Variants in RBMS1 observed in about 807,000 individuals in gnomAD.
RBMS1 encodes the protein RNA-binding motif, single-stranded-interacting protein 1.
Under a neutral mutation model 62.3 loss-of-function variants are expected in RBMS1, and 17 were observed. The ratio of observed to expected loss-of-function variants is 0.27; its 90% CI spans 0.19 to 0.41. The LOEUF is 0.41. Ranked by LOEUF, RBMS1 falls within the 10% of genes least tolerant of loss-of-function variation. The pLI is 1.00. For missense variants in RBMS1, 334 were observed against 504.5 expected, an observed-to-expected ratio of 0.66 and a Z score of 3.24; for synonymous variants, 172 against 170.0, an observed-to-expected ratio of 1.01 and a Z score of -0.09.
intron 7 of RBMS1, among the ~76,000 whole-genome samples, chr2:160,286,548 G>T (rs984634403): frequency 6.6e-6 from 1 of 151,980 alleles, no homozygotes; most frequent in Admixed American, 6.6e-5. Flanking sequence ...TCTAACTCCT[G>T]ATCTCAGGTG....
At chr2:160,468,037 A>T (rs1354804744) in intron 1 of RBMS1, among the ~76,000 whole-genome samples, 1 of 152,206 alleles carries the variant, frequency 6.6e-6, no homozygotes, top group Non-Finnish European at 1.5e-5. Context: ...TCACAAGCAA[A>T]CACAAATCTC....
At chr2:160,476,014 A>C (rs2105350231) in intron 1 of RBMS1, among the ~76,000 whole-genome samples, 1 of 151,770 alleles carries the variant, frequency 6.6e-6, no homozygotes, top group Admixed American at 6.6e-5. Context: ...AAGCCACCAC[A>C]TCCAGTTAAT....
chr2:160,293,650 CAGTT>C (rs934161983), intron 6 of RBMS1, among the ~76,000 whole-genome samples: 4 of 152,288 alleles, frequency 2.6e-5, no homozygotes, highest in Non-Finnish European at 5.9e-5. Context: ...ACTGAACACA[CAGTT>C]AGCCTTTGTC....
intron 1 of RBMS1, among the ~76,000 whole-genome samples, chr2:160,404,539 T>C (rs948553149): frequency 6.6e-6 from 1 of 152,200 alleles, no homozygotes; most frequent in Non-Finnish European, 1.5e-5. Flanking sequence ...TCAGGTATTA[T>C]AAGTAATCTA....
At position 160,286,945 on chromosome 2, in the gene RBMS1, G is replaced by A. The variant is rs373110366; in HGVS notation, c.756+24C>T. ...AAGATCACACCCCCTCCCCCACCCC[G>A]CAAAGTTTCAAGAAAGGACTTACAA... is the stretch of plus-strand genomic sequence containing the variant. On this transcript the variant is annotated intron_variant, in intron 7 of 13. Transcript: ENST00000348849. 6.4e-5 allele frequency: 80 copies of A among 1,257,326 alleles called. No individual in the cohort carries two copies. The Admixed American group carries it at 1.3e-3, about 21-fold the overall frequency. The allele number at this position is 1,257,326 out of a possible 1,614,324, so 77.9% of individuals were successfully genotyped here.
At chr2:160,441,850 A>G (rs1683423307) in intron 1 of RBMS1, among the ~76,000 whole-genome samples, 1 of 152,160 alleles carries the variant, frequency 6.6e-6, no homozygotes, top group South Asian at 2.1e-4. Flanking sequence ...TATGTTATCT[A>G]TTCTAGTGAA....
intron 1 of RBMS1, among the ~76,000 whole-genome samples, chr2:160,389,149 A>C (rs1195091649): frequency 6.6e-6 from 1 of 152,230 alleles, no homozygotes; most frequent in African/African-American, 2.4e-5. Context: ...TGCTGAGATA[A>C]TGACCGATAA....
intron 1 of RBMS1, among the ~76,000 whole-genome samples, chr2:160,408,074 C>T (rs1357241143): frequency 1.3e-5 from 2 of 150,434 alleles, no homozygotes; most frequent in African/African-American, 4.9e-5. Flanking sequence ...GGCCGGGCGG[C>T]CCGGGGAGCA....
chr2:160,479,504 C>T (rs1418157723), intron 1 of RBMS1, among the ~76,000 whole-genome samples: 1 of 152,216 alleles, frequency 6.6e-6, no homozygotes, highest in East Asian at 1.9e-4. Context: ...GCCACTGGCC[C>T]CATTCGCATC....
chr2:160,307,166 T>G (rs774384565), intron 4 of RBMS1, among the ~76,000 whole-genome samples: 15 of 151,818 alleles, frequency 9.9e-5, no homozygotes, highest in Non-Finnish European at 1.5e-4. Context: ...TCCCCGTGCG[T>G]GTGGAATGGT....
chr2:160,323,515 G>A (rs1295619124), intron 2 of RBMS1, among the ~76,000 whole-genome samples: 1 of 147,968 alleles, frequency 6.8e-6, no homozygotes, highest in African/African-American at 2.5e-5. Context: ...GACATATGAT[G>A]TACTAGGAGA....
chr2:160,395,172 C>G (rs376095123), intron 1 of RBMS1, among the ~76,000 whole-genome samples: 3 of 152,234 alleles, frequency 2.0e-5, no homozygotes, highest in African/African-American at 7.2e-5. Flanking sequence ...CACTTTTACT[C>G]TCCTGGACAA....
intron 1 of RBMS1, among the ~76,000 whole-genome samples, chr2:160,473,726 G>T (rs1251903509): frequency 1.3e-5 from 2 of 152,142 alleles, no homozygotes; most frequent in African/African-American, 4.8e-5. Context: ...AGAACAGTCT[G>T]CTCTGAAAAC....
At chr2:160,424,368 G>C (rs955410458) in intron 1 of RBMS1, among the ~76,000 whole-genome samples, 5 of 55,322 alleles carry the variant, frequency 9.0e-5, no homozygotes, top group African/African-American at 3.5e-4. Context: ...GAGAGATTGG[G>C]GGGGGGGGGA....
In RBMS1 at chr2:160,426,335, A is replaced by AAGGAAGGAAGGAAGGAAGGAAGGAAAGG. The variant is rs58658592; in HGVS notation, c.76-58945_76-58944insCCTTTCCTTCCTTCCTTCCTTCCTTCCT. Among the ~76,000 whole-genome samples the AAGGAAGGAAGGAAGGAAGGAAGGAAAGG allele has an allele frequency of 2.9e-4, 27 of 93,292 alleles. 2 individuals carry two copies. Among genetic ancestry groups the AAGGAAGGAAGGAAGGAAGGAAGGAAAGG allele is most frequent in the African/African-American group, 1.1e-3 (27 of 24,460 alleles). 61.2% of individuals were successfully genotyped at this position (93,292 alleles called of 152,430 possible). A position where few individuals can be genotyped will look rare whatever the true frequency, so the allele number is the denominator to read the frequency against. ...GAAGGAAGGAAGGAAGGAAGGAAGG[A>AAGGAAGGAAGGAAGGAAGGAAGGAAAGG]AAGGAAGGAAGGAAAGAGGGAAGGA... is the stretch of plus-strand genomic sequence containing the variant. On this transcript the variant is annotated intron_variant, in intron 1 of 13. Coordinates refer to ENST00000348849, the MANE Select transcript of RBMS1 (RefSeq NM_016836.4).
chr2:160,437,687 G>T (rs572282236), intron 1 of RBMS1, among the ~76,000 whole-genome samples: 1 of 152,314 alleles, frequency 6.6e-6, no homozygotes, highest in Non-Finnish European at 1.5e-5. Flanking sequence ...TGCATCTTAA[G>T]AATGTATAAC....
intron 1 of RBMS1, among the ~76,000 whole-genome samples, chr2:160,491,555 A>T (rs1263355933): frequency 6.6e-6 from 1 of 152,218 alleles, no homozygotes; most frequent in Non-Finnish European, 1.5e-5. Flanking sequence ...AATGGTATGG[A>T]CTTGGTTTCT....
At chr2:160,377,938 T>C (rs1055594045) in intron 1 of RBMS1, among the ~76,000 whole-genome samples, 7 of 152,200 alleles carry the variant, frequency 4.6e-5, no homozygotes, top group African/African-American at 1.2e-4. Context: ...GTTACGAGGA[T>C]TGCAGCAAAG....
At chr2:160,338,930 G>C (rs906089950) in intron 2 of RBMS1, among the ~76,000 whole-genome samples, 2 of 152,162 alleles carry the variant, frequency 1.3e-5, no homozygotes, top group African/African-American at 4.8e-5. Flanking sequence ...CTTTACATAT[G>C]TTACCTTACT....
Sources: gnomAD v4.1 joint callset for allele counts (sites outside exome capture counted in the v4.1 genomes callset) on GRCh38, gnomAD v4.1.1 for gene constraint, MANE v1.5 for transcripts, NCBI Gene and HGNC (gene_info 2026-07-23, HGNC 2026-07-21) for gene names.